Variants in ATR observed in about 807,000 individuals in gnomAD.
The protein encoded by ATR is serine/threonine-protein kinase ATR.
ATR carries 142 observed loss-of-function variants against 305.3 expected under a neutral mutation model. That is an observed-to-expected ratio of 0.47 (90% CI 0.41 to 0.53). The LOEUF (loss-of-function observed/expected upper bound fraction) is 0.53, where lower values mean the gene tolerates loss of function less well. Among genes scored for constraint, ATR ranks in the 20% least tolerant of loss-of-function variants. The pLI is 0.00. For missense variants in ATR, 2,135 were observed against 3,133.1 expected (o/e 0.68, Z 7.60); for synonymous variants, 1,050 against 1,068.1 (o/e 0.98, Z 0.33).
In ATR at chr3:142,556,014, T is replaced by C. The variant is rs1385176754; in HGVS notation, c.2204A>G (p.His735Arg). ...CCTACAGAAGAGGTCCACATGTCCG[T>C]GTTCAGAGAAAGGTTCTGTTAAAGA... is the stretch of plus-strand genomic sequence containing the variant. ...TSSLTEPFSE[H>R]GHVDLFCRNL... Residue 735 changes from histidine to arginine, a missense_variant, in exon 10 of 47, where the codon CAC (histidine) becomes CGC (arginine). Physicochemically the swap from His to Arg is conservative, Grantham distance 29. Around this residue, in one of 9 missense-constraint regions of ATR, gnomAD observed 744 missense variants for 873.2 expected, o/e 0.85. Transcript: ENST00000350721. 1.2e-6 allele frequency: 2 copies of C among 1,614,138 alleles called. No individual in the cohort carries two copies. Among genetic ancestry groups the C allele is most frequent in the South Asian group, 1.1e-5 (1 of 91,084 alleles).
intron 36 of ATR, among the ~76,000 whole-genome samples, chr3:142,479,121 C>CCTCT (rs1415652134): frequency 6.8e-6 from 1 of 148,018 alleles, no homozygotes; most frequent in East Asian, 2.0e-4. Context: ...TGAATTTGAT[C>CCTCT]CTCTCAGTAT....
At chr3:142,494,570 A>G (rs2031477548) in intron 34 of ATR, among the ~76,000 whole-genome samples, 1 of 152,226 alleles carries the variant, frequency 6.6e-6, no homozygotes, top group Non-Finnish European at 1.5e-5. Flanking sequence ...TTAGGTTTTC[A>G]AGAATGAGTA....
Position 142,473,119 on chromosome 3 carries a change from A to G in ATR, c.6222-2936T>C, listed in dbSNP as rs184940816. On this transcript the variant is annotated intron_variant, in intron 36 of 46. Transcript: ENST00000350721. ...TTGGTTTGTATAATATCATTTGTCT[A>G]TATTTGCTTTTGTTGGCTGTGCTTT... is the stretch of plus-strand genomic sequence containing the variant. Among the ~76,000 whole-genome samples, 9 of 152,204 alleles carry G rather than the reference A, an allele frequency of 5.9e-5. No homozygotes were observed. In the East Asian group the frequency reaches 1.5e-3, roughly 26 times the overall value.
chr3:142,482,734 G>A (rs969905654), intron 36 of ATR, among the ~76,000 whole-genome samples: 2 of 151,754 alleles, frequency 1.3e-5, no homozygotes, highest in Non-Finnish European at 2.9e-5. Flanking sequence ...TACTAAGGAG[G>A]CTGAGGCAGG....
intron 36 of ATR, among the ~76,000 whole-genome samples, chr3:142,475,432 CT>C (rs1305580037): frequency 6.6e-6 from 1 of 152,056 alleles, no homozygotes; most frequent in East Asian, 1.9e-4. Flanking sequence ...TGAACTCATC[CT>C]TTTTTATGGC....
At chr3:142,458,717 C>T (rs1317843347) in intron 44 of ATR, among the ~76,000 whole-genome samples, 1 of 152,132 alleles carries the variant, frequency 6.6e-6, no homozygotes, top group African/African-American at 2.4e-5. Flanking sequence ...TGAGTCAGAA[C>T]CTAAACCTAT....
At chr3:142,547,339 C>T (rs1383409448) in intron 16 of ATR, among the ~76,000 whole-genome samples, 1 of 152,084 alleles carries the variant, frequency 6.6e-6, no homozygotes. Context: ...GAGCTACAAA[C>T]ATATTCTAAT....
At chr3:142,530,492 T>C (rs2033594896) in intron 21 of ATR, among the ~76,000 whole-genome samples, 1 of 152,214 alleles carries the variant, frequency 6.6e-6, no homozygotes, top group African/African-American at 2.4e-5. Context: ...TCTACACATA[T>C]TGTGAAATTT....
chr3:142,472,237 C>A (rs2071300504), intron 36 of ATR: 1 of 152,238 alleles, frequency 6.6e-6, no homozygotes, highest in South Asian at 2.1e-4. Flanking sequence ...CATGGGAGTG[C>A]AGATATCTCT....
chr3:142,474,232 T>G (rs1159728336), intron 36 of ATR, among the ~76,000 whole-genome samples: 6 of 151,950 alleles, frequency 3.9e-5, no homozygotes, highest in Non-Finnish European at 8.8e-5. Context: ...CAGCCAGAAT[T>G]TTTAAACAAA....
At position 142,550,142 on chromosome 3, in the gene ATR, C is replaced by T. The variant is rs558627427; in HGVS notation, c.2966G>A (p.Arg989His). ...ANVFDFPDLN[R>H]FLTRTLQVLL... ...TATGTTGCAACTTACAGTAAGAAAA[C>T]GATTAAGATCAGGAAAGTCGAAAAC... Residue 989 changes from arginine (R) to histidine (H), a missense_variant, in exon 14 of 47, where the codon CGT (arginine) becomes CAT (histidine). Coordinates refer to ENST00000350721, the MANE Select transcript of ATR (RefSeq NM_001184.4). The T allele has an allele frequency of 2.5e-6, 4 of 1,614,012 alleles. No homozygotes were observed. Among genetic ancestry groups the T allele is most frequent in the East Asian group, 2.2e-5 (1 of 44,862 alleles).
chr3:142,559,513 A>G (rs2108480957), intron 6 of ATR, 72 bp from the exon 7 acceptor site: 2 of 1,463,492 alleles, frequency 1.4e-6, no homozygotes, highest in Admixed American at 1.9e-5. Context: ...ATAAAATTGT[A>G]GTAAAGCCAA....
intron 31 of ATR, 52 bp from the exon 32 acceptor site, chr3:142,498,826 T>A (rs2108342284): frequency 6.5e-7 from 1 of 1,549,276 alleles, no homozygotes; most frequent in South Asian, 1.1e-5. Flanking sequence ...GGTCCAAGAG[T>A]CAGCTTTATT....
intron 23 of ATR, among the ~76,000 whole-genome samples, chr3:142,520,143 G>A (rs1158056344): frequency 6.6e-6 from 1 of 152,164 alleles, no homozygotes; most frequent in Non-Finnish European, 1.5e-5. Context: ...TGTTGTAATT[G>A]CTTTGGGGCT....
chr3:142,558,439 C>T (rs2034751116), intron 8 of ATR, among the ~76,000 whole-genome samples, 185 bp downstream of exon 8: 1 of 152,036 alleles, frequency 6.6e-6, no homozygotes, highest in South Asian at 2.1e-4. Context: ...AGGAAAATTG[C>T]TTGAACCTGA....
intron 23 of ATR, among the ~76,000 whole-genome samples, chr3:142,520,886 G>C (rs1366068254): frequency 6.6e-6 from 1 of 152,160 alleles, no homozygotes; most frequent in African/African-American, 2.4e-5. Context: ...TATTCTGTTG[G>C]AAGAAGATGC....
Position 142,553,816 on chromosome 3 carries a change from A to ATT in ATR, c.2532+7_2532+8dup. On this transcript the variant is annotated intron_variant, in intron 11 of 46. Transcript: ENST00000350721. Reference sequence around the variant, plus strand: ...GTAAACTCAAATGTTAAAAACAAAAATTATCAACCTCCTTTATAAATCCAT... The same window carrying ATT: ...GTAAACTCAAATGTTAAAAACAAAAATTTTATCAACCTCCTTTATAAATCCAT... 1 of 1,613,296 alleles carries ATT rather than the reference A, an allele frequency of 6.2e-7. No individual in the cohort carries two copies. Among genetic ancestry groups the ATT allele is most frequent in the Non-Finnish European group, 8.5e-7 (1 of 1,179,466 alleles).
At chr3:142,553,497 C>A (rs531268907) in intron 12 of ATR, 99 bp from the exon 13 acceptor site, 8 of 1,466,444 alleles carry the variant, frequency 5.5e-6, no homozygotes, top group Non-Finnish European at 7.5e-6. Context: ...CAGAAACAAA[C>A]GGAAATCTAC....
chr3:142,452,889 T>C, intron 46 of ATR: 2 of 1,357,712 alleles, frequency 1.5e-6, no homozygotes, highest in Non-Finnish European at 1.9e-6. Context: ...GAATTGTCTA[T>C]GGTTAAACAA....
Sources: gnomAD v4.1 joint callset for allele counts (sites outside exome capture counted in the v4.1 genomes callset) on GRCh38, gnomAD v4.1.1 for gene constraint, gnomAD v4.1.1 regional missense constraint, MANE v1.5 for transcripts, NCBI Gene and HGNC (gene_info 2026-07-23, HGNC 2026-07-21) for gene names.